The following NEBL variants were observed in gnomAD, a reference collection of about 807,000 sequenced individuals.
The protein encoded by NEBL is LIM and SH3 protein 2.
In NEBL, 122 loss-of-function variants were observed where a neutral mutation model predicts 140.2. The ratio of observed to expected loss-of-function variants is 0.87; its 90% CI spans 0.75 to 1.01. The LOEUF (loss-of-function observed/expected upper bound fraction) is 1.01. Among genes scored for constraint, NEBL ranks in the 50% least tolerant of loss-of-function variants. The pLI is 0.00. For missense variants in NEBL, 1,365 were observed against 1,231.3 expected (o/e 1.11, Z -1.62); for synonymous variants, 436 against 398.9 (o/e 1.09, Z -1.11).
At chr10:21,082,910 C>T (rs982303310) in intron 2 of NEBL, among the ~76,000 whole-genome samples, 6 of 151,988 alleles carry the variant, frequency 3.9e-5, no homozygotes, top group Admixed American at 3.3e-4. Context: ...TTACAGGCGC[C>T]TGCCACCACA....
chr10:21,177,195 C>A (rs1292362828), upstream of NEBL, among the ~76,000 whole-genome samples: 1 of 152,238 alleles, frequency 6.6e-6, no homozygotes, highest in Admixed American at 6.5e-5. Context: ...GCTTCAAATG[C>A]GCTTGCATAG....
At chr10:21,082,190 C>A (rs1836397493) in intron 2 of NEBL, among the ~76,000 whole-genome samples, 2 of 152,148 alleles carry the variant, frequency 1.3e-5, no homozygotes, top group Non-Finnish European at 2.9e-5. Flanking sequence ...AACGAAGGAA[C>A]TCTTGCAGGT....
intron 3 of NEBL, among the ~76,000 whole-genome samples, chr10:20,976,131 TC>T (rs1836787468): frequency 6.6e-6 from 1 of 151,652 alleles, no homozygotes; most frequent in African/African-American, 2.4e-5. Context: ...GGTCAGGAGT[TC>T]AAGACCAGCC....
At chr10:21,172,481 GAA>G (rs11413698) in intron 1 of NEBL, 1,003 of 1,375,912 alleles carry the variant, frequency 7.3e-4, no homozygotes, top group Non-Finnish European at 7.9e-4. Context: ...GCCAATACTG[GAA>G]AAAAAAAAAA....
At chr10:20,871,979 C>T (rs566978819) in intron 5 of NEBL, among the ~76,000 whole-genome samples, 38 of 152,262 alleles carry the variant, frequency 2.5e-4, no homozygotes, top group South Asian at 6.2e-4. Flanking sequence ...TATCACCCAC[C>T]TACAAGACTA....
At chr10:21,288,625 C>CGG (rs1482126386) in intron 1 of NEBL, among the ~76,000 whole-genome samples, 1 of 148,864 alleles carries the variant, frequency 6.7e-6, no homozygotes, top group African/African-American at 2.5e-5. Flanking sequence ...GCCGGGCCTG[C>CGG]TGGCAGACAC....
intron 21 of NEBL, among the ~76,000 whole-genome samples, chr10:20,816,065 G>T (rs1165470095): frequency 2.0e-5 from 3 of 152,124 alleles, no homozygotes; most frequent in Admixed American, 6.5e-5. Flanking sequence ...ACAGTGCCTG[G>T]CTCACAGTAT....
chr10:21,041,060 C>T (rs1834247548), intron 2 of NEBL, among the ~76,000 whole-genome samples: 1 of 152,186 alleles, frequency 6.6e-6, no homozygotes, highest in Non-Finnish European at 1.5e-5. Context: ...AACACACTTT[C>T]CAACTTTTAT....
At chr10:21,102,807 CAT>C (rs1310635288) in intron 2 of NEBL, among the ~76,000 whole-genome samples, 3 of 152,112 alleles carry the variant, frequency 2.0e-5, no homozygotes, top group African/African-American at 2.4e-5. Flanking sequence ...TGTTTGCACA[CAT>C]GTTTTTTGTT....
At chr10:20,994,936 A>G (rs1352301927) in intron 3 of NEBL, among the ~76,000 whole-genome samples, 1 of 152,120 alleles carries the variant, frequency 6.6e-6, no homozygotes, top group East Asian at 1.9e-4. Flanking sequence ...AAGAAAATCC[A>G]CTTGTAAGTG....
chr10:21,073,932 G>A (rs1039654884), intron 2 of NEBL, among the ~76,000 whole-genome samples: 18 of 152,020 alleles, frequency 1.2e-4, no homozygotes, highest in South Asian at 6.2e-4. Flanking sequence ...AAAATTAGCC[G>A]GACGTGGTGG....
chr10:20,996,414 C>G (rs1212632389), intron 3 of NEBL, among the ~76,000 whole-genome samples: 2 of 152,210 alleles, frequency 1.3e-5, no homozygotes, highest in African/African-American at 4.8e-5. Flanking sequence ...ATCCTGAAGA[C>G]AGTGATTGTG....
At chr10:20,879,190 A>G (rs945461310) in intron 5 of NEBL, among the ~76,000 whole-genome samples, 1 of 152,236 alleles carries the variant, frequency 6.6e-6, no homozygotes. Flanking sequence ...AGGTGGAGAC[A>G]GCAAAGTGGA....
chr10:20,820,824 C>CA (rs113112162), intron 19 of NEBL, among the ~76,000 whole-genome samples: 8 of 149,466 alleles, frequency 5.4e-5, no homozygotes, highest in South Asian at 4.3e-4. Flanking sequence ...GACTCTATCT[C>CA]AAAAAACAAA....
intron 4 of NEBL, among the ~76,000 whole-genome samples, chr10:20,936,418 A>T (rs1386999975): frequency 6.6e-6 from 1 of 152,228 alleles, no homozygotes; most frequent in Admixed American, 6.5e-5. Context: ...AATGGAACCT[A>T]AAAAATGGTG....
intron 2 of NEBL, among the ~76,000 whole-genome samples, chr10:21,074,721 G>A (rs1004062164): frequency 2.6e-5 from 4 of 152,042 alleles, no homozygotes; most frequent in East Asian, 1.9e-4. Context: ...CTCATGATCC[G>A]CCTGCCTCGG....
intron 4 of NEBL, among the ~76,000 whole-genome samples, chr10:20,922,976 T>G (rs1833665712): frequency 1.3e-5 from 2 of 152,212 alleles, no homozygotes. Context: ...TTCCAGTACC[T>G]GGTAGAATGT....
intron 2 of NEBL, among the ~76,000 whole-genome samples, chr10:21,079,491 T>C (rs1412484629): frequency 1.3e-5 from 2 of 152,208 alleles, no homozygotes; most frequent in Non-Finnish European, 2.9e-5. Flanking sequence ...ACAGAATTTG[T>C]GGATCCAGGA....
At chr10:20,923,411 G>T (rs1833693917) in intron 4 of NEBL, among the ~76,000 whole-genome samples, 1 of 151,920 alleles carries the variant, frequency 6.6e-6, no homozygotes. Flanking sequence ...AGGCACGGTG[G>T]CTCATGCCTG....
Sources: gnomAD v4.1 joint callset for allele counts (sites outside exome capture counted in the v4.1 genomes callset) on GRCh38, gnomAD v4.1.1 for gene constraint, MANE v1.5 for transcripts, NCBI Gene and HGNC (gene_info 2026-07-23, HGNC 2026-07-21) for gene names.